Variants in TASP1 observed in about 807,000 individuals in gnomAD.
The protein encoded by TASP1 is taspase 1, also known as threonine aspartase 1.
Under a neutral mutation model 56.6 loss-of-function variants are expected in TASP1, and 16 were observed. The ratio of observed to expected loss-of-function variants is 0.28; its 90% confidence interval spans 0.19 to 0.43. The LOEUF (loss-of-function observed/expected upper bound fraction) is 0.43, where lower values mean the gene tolerates loss of function less well. Among genes scored for constraint, TASP1 ranks in the 20% least tolerant of loss-of-function variants. TASP1 has a pLI of 1.00. For missense variants in TASP1, 393 were observed against 511.6 expected, an observed-to-expected ratio of 0.77 and a Z score of 2.24; for synonymous variants, 179 against 184.2, an observed-to-expected ratio of 0.97 and a Z score of 0.23.
intron 2 of TASP1, among the ~76,000 whole-genome samples, chr20:13,629,642 A>T (rs2049017376): frequency 6.6e-6 from 1 of 151,962 alleles, no homozygotes; most frequent in Admixed American, 6.6e-5. Flanking sequence ...TTCAAAAATT[A>T]CTTTGTCTGG....
chr20:13,551,257 C>G (rs1365228175), intron 8 of TASP1, among the ~76,000 whole-genome samples: 1 of 152,110 alleles, frequency 6.6e-6, no homozygotes, highest in African/African-American at 2.4e-5. Flanking sequence ...TATTCATTCA[C>G]ACAATGGAAA....
chr20:13,409,276 TTAC>T (rs2042018960), intron 13 of TASP1, among the ~76,000 whole-genome samples: 1 of 152,026 alleles, frequency 6.6e-6, no homozygotes, highest in Non-Finnish European at 1.5e-5. Flanking sequence ...ATTCATATCC[TTAC>T]TAATTTTTAT....
At chr20:13,127,267 A>C in the TASP1 span, among the ~76,000 whole-genome samples, 1 of 152,124 alleles carries the variant, frequency 6.6e-6, no homozygotes, top group Non-Finnish European at 1.5e-5. Flanking sequence ...TTTTTGAAAA[A>C]TTGTTTCATA....
At chr20:13,498,796 C>CAAAAAAAAAAAAA in intron 10 of TASP1, among the ~76,000 whole-genome samples, 1 of 130,056 alleles carries the variant, frequency 7.7e-6, no homozygotes, top group Non-Finnish European at 1.6e-5. Flanking sequence ...ATAAAAAAGG[C>CAAAAAAAAAAAAA]AAAAAAAAAA....
chr20:13,496,800 T>C (rs1369468938), intron 10 of TASP1, among the ~76,000 whole-genome samples: 1 of 152,176 alleles, frequency 6.6e-6, no homozygotes, highest in East Asian at 1.9e-4. Flanking sequence ...GCACTCCCAC[T>C]GTAATAACAA....
intron 6 of TASP1, among the ~76,000 whole-genome samples, chr20:13,571,538 T>G (rs1248651474): frequency 1.3e-5 from 2 of 152,196 alleles, no homozygotes; most frequent in Non-Finnish European, 2.9e-5. Flanking sequence ...TGCTACCACC[T>G]TGGTCTGAGC....
intron 1 of TASP1, among the ~76,000 whole-genome samples, chr20:13,637,329 GCACT>G (rs2049344938): frequency 6.6e-6 from 1 of 152,174 alleles, no homozygotes; most frequent in South Asian, 2.1e-4. Flanking sequence ...AAAACATTTG[GCACT>G]CACTCAAAAA....
the TASP1 span, among the ~76,000 whole-genome samples, chr20:13,290,905 TC>T: frequency 6.6e-6 from 1 of 152,224 alleles, no homozygotes; most frequent in Non-Finnish European, 1.5e-5. Context: ...AAGCAAGTGA[TC>T]AACCTGGAAT....
the TASP1 span, among the ~76,000 whole-genome samples, chr20:13,266,289 G>C: frequency 0.095 from 14,459 of 152,232 alleles, 747 homozygotes; most frequent in African/African-American, 0.12. Context: ...GCTGTAAGAA[G>C]AGGATATTTT....
the TASP1 span, among the ~76,000 whole-genome samples, chr20:13,364,484 T>C: frequency 2.0e-5 from 3 of 152,078 alleles, no homozygotes; most frequent in African/African-American, 7.2e-5. Context: ...TGGCAGAGGC[T>C]GATTAGGTCT....
At chr20:13,409,972 T>A (rs998660232) in intron 13 of TASP1, among the ~76,000 whole-genome samples, 3 of 152,162 alleles carry the variant, frequency 2.0e-5, no homozygotes, top group Admixed American at 2.0e-4. Flanking sequence ...CATTCCCTCC[T>A]CCCACTCACA....
chr20:13,240,247 T>C, the TASP1 span, among the ~76,000 whole-genome samples: 1 of 152,182 alleles, frequency 6.6e-6, no homozygotes, highest in Non-Finnish European at 1.5e-5. Flanking sequence ...GAAAGAAAAC[T>C]GACAATAATT....
At chr20:13,581,036 T>C in intron 5 of TASP1, 55 bp from the exon 6 acceptor site, 1 of 1,534,414 alleles carries the variant, frequency 6.5e-7, no homozygotes, top group Admixed American at 1.9e-5. Flanking sequence ...TCTTCTAGTT[T>C]CCCACTCAGT....
chr20:13,480,478 T>C (rs575117886), intron 11 of TASP1, among the ~76,000 whole-genome samples: 6 of 152,214 alleles, frequency 3.9e-5, no homozygotes, highest in Non-Finnish European at 8.8e-5. Flanking sequence ...CAGGGTCCAT[T>C]AGGTGAGCTC....
intron 9 of TASP1, among the ~76,000 whole-genome samples, chr20:13,533,226 C>T (rs564986000): frequency 6.6e-6 from 1 of 152,252 alleles, no homozygotes; most frequent in Non-Finnish European, 1.5e-5. Flanking sequence ...CTATAAGATG[C>T]CACCCAAATA....
chr20:13,538,930 T>C (rs1184449337), intron 8 of TASP1, among the ~76,000 whole-genome samples: 1 of 151,536 alleles, frequency 6.6e-6, no homozygotes, highest in Non-Finnish European at 1.5e-5. Context: ...GCACCTGTAG[T>C]CCCAGCTACT....
chr20:13,558,931 C>T lies in TASP1; in HGVS notation c.675+77G>A, dbSNP rs1025339996. ...ACATTCTATTTCTACTGAATTGTAT[C>T]GTCCTAAAGCTTGTATCTAAATGCA... On this transcript the variant is annotated intron_variant, in intron 8 of 13. Coordinates refer to ENST00000337743, the MANE Select transcript of TASP1 (RefSeq NM_017714.3). 3.2e-5 allele frequency: 27 copies of T among 849,244 alleles called. No homozygotes were observed. In the East Asian group the frequency reaches 3.9e-4, roughly 12 times the overall value. 52.6% of individuals were successfully genotyped at this position (849,244 alleles called of 1,614,324 possible).
chr20:13,274,930 T>A, the TASP1 span, among the ~76,000 whole-genome samples: 1 of 152,112 alleles, frequency 6.6e-6, no homozygotes, highest in African/African-American at 2.4e-5. Context: ...ATATAAGAGG[T>A]TGGGTTTTAT....
the TASP1 span, among the ~76,000 whole-genome samples, chr20:13,353,592 A>G: frequency 2.6e-5 from 4 of 152,152 alleles, no homozygotes; most frequent in African/African-American, 4.8e-5. Flanking sequence ...AACAACTTCC[A>G]TAGTTAGCTG....
Sources: gnomAD v4.1 joint callset for allele counts (sites outside exome capture counted in the v4.1 genomes callset) on GRCh38, gnomAD v4.1.1 for gene constraint, MANE v1.5 for transcripts, NCBI Gene and HGNC (gene_info 2026-07-23, HGNC 2026-07-21) for gene names.